The following BABAM2 variants were observed in gnomAD, a reference collection of about 807,000 sequenced individuals.
The protein encoded by BABAM2 is BRISC and BRCA1-A complex member 2.
In BABAM2, 31 loss-of-function variants were observed where a neutral mutation model predicts 54.7. The ratio of observed to expected loss-of-function variants is 0.57; its 90% confidence interval spans 0.43 to 0.77. The LOEUF (loss-of-function observed/expected upper bound fraction) is 0.77, where lower values mean the gene tolerates loss of function less well. BABAM2 is among the 30% of genes least tolerant of loss of function. The pLI is 0.00. For synonymous variants in BABAM2, 167 were observed against 162.9 expected (o/e 1.03, Z -0.19); for missense variants, 364 against 455.8 (o/e 0.80, Z 1.83).
chr2:27,925,711 C>T (rs537594950), intron 2 of BABAM2, among the ~76,000 whole-genome samples: 18 of 152,280 alleles, frequency 1.2e-4, no homozygotes, highest in African/African-American at 4.3e-4. Flanking sequence ...TAACCACACC[C>T]TGAAACACTC....
intron 7 of BABAM2, among the ~76,000 whole-genome samples, chr2:28,224,185 C>G (rs1386645141): frequency 6.6e-6 from 1 of 152,210 alleles, no homozygotes; most frequent in Non-Finnish European, 1.5e-5. Flanking sequence ...CAGAAATTCT[C>G]TACCTGTAAC....
rs756535527 is a variant in BABAM2, at chr2:28,164,738, A to G, written c.680+35358A>G. Among the ~76,000 whole-genome samples the G allele has an allele frequency of 3.3e-5, 5 of 152,068 alleles. No homozygotes were observed. The South Asian group carries it at 1.0e-3, about 32-fold the overall frequency. On this transcript the variant is annotated intron_variant, in intron 7 of 11. Transcript: ENST00000379624. ...TGAGTGGAGCTCAGATTGCCTTGTC[A>G]CATGTATCTTGGCGCTTCTTCCCTG...
intron 7 of BABAM2, among the ~76,000 whole-genome samples, chr2:28,133,593 G>A (rs1465811742): frequency 6.6e-6 from 1 of 152,188 alleles, no homozygotes; most frequent in African/African-American, 2.4e-5. Flanking sequence ...TCTCCTCCAT[G>A]GGCATAGAGA....
chr2:28,336,267 T>C (rs1691459608), intron 11 of BABAM2, among the ~76,000 whole-genome samples: 1 of 152,134 alleles, frequency 6.6e-6, no homozygotes, highest in Admixed American at 6.5e-5. Flanking sequence ...GAATTCACCG[T>C]AGGGGTTTAG....
chr2:28,076,359 TA>T (rs1281327030), intron 6 of BABAM2, among the ~76,000 whole-genome samples: 1 of 152,108 alleles, frequency 6.6e-6, no homozygotes, highest in Non-Finnish European at 1.5e-5. Context: ...ACATTTTAGA[TA>T]AAAAATTTTT....
intron 7 of BABAM2, among the ~76,000 whole-genome samples, chr2:28,184,583 G>GT (rs1676076169): frequency 1.3e-5 from 2 of 150,698 alleles, no homozygotes; most frequent in Admixed American, 6.7e-5. Context: ...GCAGTGTTTG[G>GT]TTTTTTGTCC....
chr2:28,256,672 A>ATATGTTTG (rs1473318645), intron 10 of BABAM2, among the ~76,000 whole-genome samples: 3 of 149,642 alleles, frequency 2.0e-5, no homozygotes, highest in Non-Finnish European at 4.4e-5. Context: ...AGTATTTTTC[A>ATATGTTTG]TATGTTTGGA....
At chr2:28,193,679 G>A (rs1388910555) in intron 7 of BABAM2, among the ~76,000 whole-genome samples, 1 of 152,186 alleles carries the variant, frequency 6.6e-6, no homozygotes, top group Non-Finnish European at 1.5e-5. Flanking sequence ...AGAAGGAAAA[G>A]AAGTTACGTC....
chr2:28,298,633 C>G (rs1687882486), intron 11 of BABAM2, 142 bp downstream of exon 11: 4 of 1,015,072 alleles, frequency 3.9e-6, no homozygotes, highest in Non-Finnish European at 5.7e-6. Context: ...CAGCAACACC[C>G]ATTTCTTTAC....
At chr2:27,960,165 G>C (rs1473254513) in intron 3 of BABAM2, among the ~76,000 whole-genome samples, 1 of 151,924 alleles carries the variant, frequency 6.6e-6, no homozygotes, top group African/African-American at 2.4e-5. Context: ...TTCTTATCCA[G>C]TTACTGGGCA....
At chr2:28,194,931 C>G (rs7600234) in intron 7 of BABAM2, among the ~76,000 whole-genome samples, 1 of 152,028 alleles carries the variant, frequency 6.6e-6, no homozygotes, top group Non-Finnish European at 1.5e-5. Flanking sequence ...CCTGGCATCA[C>G]GTGATCCACC....
chr2:27,888,966 T>A (rs1424816768), upstream of BABAM2, among the ~76,000 whole-genome samples: 1 of 152,250 alleles, frequency 6.6e-6, no homozygotes, highest in Non-Finnish European at 1.5e-5. Context: ...AGTATTTTTA[T>A]CTTGGCACAG....
At chr2:28,265,420 C>G (rs1484198801) in intron 10 of BABAM2, among the ~76,000 whole-genome samples, 2 of 152,132 alleles carry the variant, frequency 1.3e-5, no homozygotes, top group African/African-American at 4.8e-5. Context: ...GAGCGAGACT[C>G]TGTCTCAAAA....
At chr2:28,172,403 C>T (rs1004581950) in intron 7 of BABAM2, among the ~76,000 whole-genome samples, 4 of 152,160 alleles carry the variant, frequency 2.6e-5, no homozygotes, top group Non-Finnish European at 4.4e-5. Context: ...CTACCCACCC[C>T]GTGTGGCCCT....
At chr2:28,009,290 G>A (rs1674216711) in intron 4 of BABAM2, among the ~76,000 whole-genome samples, 1 of 152,218 alleles carries the variant, frequency 6.6e-6, no homozygotes, top group South Asian at 2.1e-4. Flanking sequence ...CAGTTATTCT[G>A]ATGATAGCCA....
intron 7 of BABAM2, among the ~76,000 whole-genome samples, chr2:28,144,685 C>T (rs999618466): frequency 6.6e-6 from 1 of 152,188 alleles, no homozygotes; most frequent in South Asian, 2.1e-4. Context: ...GGACAAGAAT[C>T]ACAGACAAGA....
chr2:28,172,116 G>T (rs1016050581), intron 7 of BABAM2, among the ~76,000 whole-genome samples: 10 of 149,638 alleles, frequency 6.7e-5, no homozygotes, highest in South Asian at 2.1e-4. Flanking sequence ...TGTGTGTGTG[G>T]TGTGTGTGTA....
Position 27,995,591 on chromosome 2 carries a change from T to A in BABAM2, c.300+7504T>A, listed in dbSNP as rs1222200422. On this transcript the variant is annotated intron_variant, in intron 4 of 11. Transcript: ENST00000379624. The surrounding 1 kb of genome is among the most constrained non-coding windows in gnomAD (Gnocchi z 4.1). Reference sequence around the variant, plus strand: ...TCATGAGTTCTTTTTTGTTTGTTTGTTTTTCTTAGATGGAGTCTTGCTCTG... The same window carrying A: ...TCATGAGTTCTTTTTTGTTTGTTTGATTTTCTTAGATGGAGTCTTGCTCTG... Among the ~76,000 whole-genome samples the A allele has an allele frequency of 1.3e-5, 2 of 152,096 alleles. No homozygotes were observed. Among genetic ancestry groups the A allele is most frequent in the Non-Finnish European group, 2.9e-5 (2 of 68,006 alleles).
At chr2:28,099,938 TA>T (rs965380032) in intron 6 of BABAM2, among the ~76,000 whole-genome samples, 6 of 151,730 alleles carry the variant, frequency 4.0e-5, no homozygotes, top group Non-Finnish European at 5.9e-5. Flanking sequence ...ATGCCCTAAT[TA>T]AAAAAAAATT....
Sources: allele counts gnomAD v4.1 joint callset (sites outside exome capture counted in the v4.1 genomes callset), GRCh38; gene constraint gnomAD v4.1.1; non-coding constraint Gnocchi (gnomAD v3.1); transcripts MANE v1.5; gene names NCBI Gene and HGNC (gene_info 2026-07-23, HGNC 2026-07-21).